The following CA10 variants were observed in gnomAD, a reference collection of about 807,000 sequenced individuals.
CA10 encodes carbonic anhydrase 10 (inactive), also known as carbonic anhydrase-related protein 10.
CA10 carries 14 observed loss-of-function variants against 44.2 expected under a neutral mutation model. That is an observed-to-expected ratio of 0.32 (90% CI 0.21 to 0.50). The LOEUF is 0.50. Among genes scored for constraint, CA10 ranks in the 20% least tolerant of loss-of-function variants. The pLI, the probability that CA10 is intolerant of heterozygous loss-of-function variation, is 0.99. For missense variants in CA10, 350 were observed against 409.7 expected (o/e 0.85, Z 1.26); for synonymous variants, 159 against 141.6 (o/e 1.12, Z -0.87).
chr17:52,042,971 GTACTA>G (rs1986813903), intron 2 of CA10, among the ~76,000 whole-genome samples: 4 of 151,952 alleles, frequency 2.6e-5, no homozygotes, highest in Non-Finnish European at 5.9e-5. Flanking sequence ...TTTTATTCTA[GTACTA>G]TACTCCTTTG....
At chr17:52,099,269 A>G (rs1988480336) in intron 1 of CA10, among the ~76,000 whole-genome samples, 1 of 152,188 alleles carries the variant, frequency 6.6e-6, no homozygotes, top group Admixed American at 6.5e-5. Flanking sequence ...AGCATAATGA[A>G]TGGGGGTTGG....
chr17:51,726,770 G>A (rs554392137), intron 4 of CA10, among the ~76,000 whole-genome samples: 96 of 152,070 alleles, frequency 6.3e-4, no homozygotes, highest in Non-Finnish European at 1.1e-3. Context: ...ATAGAACAGA[G>A]TACTTAAAAA....
intron 2 of CA10, among the ~76,000 whole-genome samples, chr17:52,049,213 T>A (rs192229956): frequency 6.6e-6 from 1 of 152,176 alleles, no homozygotes; most frequent in Admixed American, 6.6e-5. Context: ...AATCCAGGTG[T>A]GACCACAGGA....
intron 3 of CA10, among the ~76,000 whole-genome samples, chr17:51,907,567 T>TG (rs1981611541): frequency 6.6e-6 from 1 of 152,150 alleles, no homozygotes; most frequent in Admixed American, 6.6e-5. Context: ...CCCCAACTGC[T>TG]GGGAGTTCTC....
intron 2 of CA10, among the ~76,000 whole-genome samples, chr17:52,001,867 T>A (rs1985438037): frequency 6.6e-6 from 1 of 151,970 alleles, no homozygotes; most frequent in Non-Finnish European, 1.5e-5. Flanking sequence ...CACATAATAA[T>A]GTTACAGCGA....
intron 3 of CA10, among the ~76,000 whole-genome samples, chr17:51,847,633 G>A (rs573477972): frequency 2.9e-4 from 44 of 152,256 alleles, no homozygotes; most frequent in African/African-American, 9.9e-4. Flanking sequence ...CAGGAACATG[G>A]TACATAAAAT....
chr17:52,091,909 A>G (rs1988276479), intron 1 of CA10, among the ~76,000 whole-genome samples: 1 of 152,234 alleles, frequency 6.6e-6, no homozygotes, highest in South Asian at 2.1e-4. Context: ...GTGAGGTTTT[A>G]TAAGCCATGG....
intron 2 of CA10, among the ~76,000 whole-genome samples, chr17:52,045,475 C>T (rs1986887114): frequency 1.3e-5 from 2 of 151,680 alleles, no homozygotes; most frequent in Non-Finnish European, 2.9e-5. Context: ...GTGAAAATAA[C>T]AATTGTAATA....
At chr17:52,110,813 G>A (rs965435512) in intron 1 of CA10, among the ~76,000 whole-genome samples, 1 of 152,120 alleles carries the variant, frequency 6.6e-6, no homozygotes, top group Non-Finnish European at 1.5e-5. Flanking sequence ...ACAGAAGGAC[G>A]TATCCTCCAT....
intron 2 of CA10, among the ~76,000 whole-genome samples, chr17:52,046,490 A>C (rs1986916384): frequency 6.6e-6 from 1 of 151,844 alleles, no homozygotes; most frequent in Admixed American, 6.6e-5. Flanking sequence ...AAATTCCTTG[A>C]AAATACTTTC....
intron 3 of CA10, among the ~76,000 whole-genome samples, chr17:51,831,736 A>AGC (rs1908285484): frequency 1.1e-5 from 1 of 95,060 alleles, no homozygotes; most frequent in South Asian, 4.9e-4. Flanking sequence ...GCAGCAGAAA[A>AGC]AGACCTTCCT....
At chr17:51,640,373 C>T (rs113704635) in intron 6 of CA10, among the ~76,000 whole-genome samples, 7 of 152,170 alleles carry the variant, frequency 4.6e-5, no homozygotes, top group Admixed American at 2.6e-4. Context: ...CCATCTCCCC[C>T]CTATGTCTCA....
intron 2 of CA10, among the ~76,000 whole-genome samples, chr17:52,022,294 G>T (rs1986166550): frequency 6.6e-6 from 1 of 152,046 alleles, no homozygotes; most frequent in Non-Finnish European, 1.5e-5. Flanking sequence ...TGCAAGGTTG[G>T]TTCAACATCC....
At chr17:51,801,102 A>G (rs1906908126) in intron 3 of CA10, among the ~76,000 whole-genome samples, 1 of 152,162 alleles carries the variant, frequency 6.6e-6, no homozygotes, top group Non-Finnish European at 1.5e-5. Flanking sequence ...AAACCCTTCA[A>G]GCATCTTCTC....
chr17:52,053,913 T>C (rs887721031), intron 2 of CA10, among the ~76,000 whole-genome samples: 3 of 152,110 alleles, frequency 2.0e-5, no homozygotes, highest in African/African-American at 4.8e-5. Context: ...TATGCCTGTC[T>C]TTAATCTCTT....
In CA10 at chr17:51,835,732, G is replaced by A. The variant is rs187410667; in HGVS notation, c.280-87914C>T. The stretch of plus-strand genomic sequence containing the variant: ...CCAGGCAGTGCTCTAAGTACTTTAT[G>A]TGTTTTATAAAAAAATAACATATAA... On this transcript the variant is annotated intron_variant, in intron 3 of 8. Transcript: ENST00000451037. 5.9e-5 allele frequency among the ~76,000 whole-genome samples: 9 copies of A among 152,276 alleles called. 1 individual carries two copies. Among genetic ancestry groups the A allele is most frequent in the Admixed American group, 2.6e-4 (4 of 15,292 alleles).
At chr17:51,719,566 T>A (rs889982462) in intron 4 of CA10, among the ~76,000 whole-genome samples, 8 of 152,128 alleles carry the variant, frequency 5.3e-5, no homozygotes, top group African/African-American at 1.9e-4. Context: ...ATTCATGATA[T>A]CCCAGTCTTA....
intron 2 of CA10, among the ~76,000 whole-genome samples, chr17:52,042,265 T>G (rs1330966166): frequency 1.3e-5 from 2 of 151,994 alleles, no homozygotes; most frequent in African/African-American, 4.8e-5. Context: ...TTGTTATCTC[T>G]TGTCTTTTTC....
chr17:51,985,573 A>G (rs1006720796), intron 2 of CA10, among the ~76,000 whole-genome samples: 3 of 151,964 alleles, frequency 2.0e-5, no homozygotes, highest in African/African-American at 7.2e-5. Context: ...TCAAACTGTC[A>G]CTGTTTGCTG....
Sources: gnomAD v4.1 joint callset for allele counts (sites outside exome capture counted in the v4.1 genomes callset) on GRCh38, gnomAD v4.1.1 for gene constraint, MANE v1.5 for transcripts, NCBI Gene and HGNC (gene_info 2026-07-23, HGNC 2026-07-21) for gene names.